The following ZNF79 variants were observed in gnomAD, a reference collection of about 807,000 sequenced individuals.
ZNF79 encodes ZNFpT7.
In ZNF79, 13 loss-of-function variants were observed where a neutral mutation model predicts 14.9. That is an observed-to-expected ratio of 0.87 (90% CI 0.57 to 1.38). The LOEUF (loss-of-function observed/expected upper bound fraction) is 1.38. Ranked by LOEUF, ZNF79 falls within the 40% of genes most tolerant of loss-of-function variation. The pLI, the probability that ZNF79 is intolerant of heterozygous loss-of-function variation, is 0.00. For synonymous variants in ZNF79, 223 were observed against 235.1 expected (o/e 0.95, Z 0.47); for missense variants, 631 against 630.6 (o/e 1.00, Z -0.01).
intron 4 of ZNF79, among the ~76,000 whole-genome samples, chr9:127,443,393 T>G (rs774937404): frequency 7.2e-5 from 11 of 152,078 alleles, no homozygotes; most frequent in Non-Finnish European, 2.9e-5. Flanking sequence ...CCAGCCTGAG[T>G]GAGACTCTGT....
At chr9:127,428,365 CTCT>C (rs1833799046) in intron 1 of ZNF79, among the ~76,000 whole-genome samples, 1 of 152,188 alleles carries the variant, frequency 6.6e-6, no homozygotes, top group African/African-American at 2.4e-5. Context: ...CTGCCCAGCC[CTCT>C]TCTTTTCATT....
intron 1 of ZNF79, among the ~76,000 whole-genome samples, chr9:127,427,633 C>T (rs1218385062): frequency 1.3e-5 from 2 of 151,684 alleles, no homozygotes; most frequent in Non-Finnish European, 1.5e-5. Flanking sequence ...CCTCTGCCTC[C>T]TGGGCTCAAG....
rs759297447 is a variant in ZNF79 at position 127,444,616 on chromosome 9, G to T, written c.916G>T (p.Glu306Ter). 6.2e-7 allele frequency: 1 copy of T among 1,613,610 alleles called. No homozygotes were observed. Among genetic ancestry groups the T allele is most frequent in the Non-Finnish European group, 8.5e-7 (1 of 1,179,944 alleles). The stretch of plus-strand genomic sequence containing the variant: ...AATTCATACCGGAGAGAAGCCCTAC[G>T]AATGCAGCGACTGTGGGAAGGCCTT... Reference protein sequence around the residue: ...QRIHTGEKPYECSDCGKAFRH... With the variant: ...QRIHTGEKPY The change falls in exon 5 of 5, where the codon GAA becomes TAA. Residue 306 changes from glutamate (E) to a stop codon, truncating the protein, a stop_gained. Transcript: ENST00000342483. LOFTEE classifies it low-confidence loss of function (END_TRUNC).
intron 4 of ZNF79, among the ~76,000 whole-genome samples, chr9:127,442,808 G>A (rs1385411429): frequency 6.6e-6 from 1 of 152,152 alleles, no homozygotes; most frequent in East Asian, 1.9e-4. Context: ...GCTGCAGTGA[G>A]CCATGATCGT....
Position 127,444,312 on chromosome 9 carries a change from C to T in ZNF79, c.612C>T (p.Tyr204=), listed in dbSNP as rs766861317. The T allele has an allele frequency of 1.5e-5, 24 of 1,614,098 alleles. No individual in the cohort carries two copies. Among genetic ancestry groups the T allele is most frequent in the Admixed American group, 5.0e-5 (3 of 60,006 alleles). Reference sequence around the variant, plus strand: ...ATGAATGTGGCAAAGCCTTCAGTTACTGTTCTTCCCTTTCTCAGCATCAGA... The same window carrying T: ...ATGAATGTGGCAAAGCCTTCAGTTATTGTTCTTCCCTTTCTCAGCATCAGA... ...ACNECGKAFS[Y]CSSLSQHQKS... The change falls in exon 5 of 5, where the codon TAC becomes TAT. Residue 204 remains tyrosine, a synonymous_variant. Transcript: ENST00000342483.
rs370111208 is a variant in ZNF79 at position 127,436,775 on chromosome 9, G to A, written c.328+772G>A. ...GACATGTTTCTAAAGATGCAGCCTG[G>A]GCCAGGTGCAGTGGCTCACGCCTGT... On this transcript the variant is annotated intron_variant, in intron 4 of 4. Transcript: ENST00000342483. 1.1e-4 allele frequency among the ~76,000 whole-genome samples: 16 copies of A among 152,192 alleles called. No homozygotes were observed. In the East Asian group the frequency reaches 2.5e-3, roughly 24 times the overall value.
chr9:127,435,329 T>C (rs1237148376), intron 3 of ZNF79, 113 bp downstream of exon 3: 1 of 1,236,908 alleles, frequency 8.1e-7, no homozygotes, highest in African/African-American at 1.6e-5. Flanking sequence ...AGGGATGGTG[T>C]TTATTCCTCT....
intron 1 of ZNF79, 75 bp from the exon 2 acceptor site, chr9:127,428,757 G>GTC (rs1187938728): frequency 1.3e-5 from 18 of 1,343,810 alleles, no homozygotes; most frequent in Admixed American, 6.2e-5. Context: ...TACCTGCTAT[G>GTC]TCCCCTCTTC....
chr9:127,432,726 A>G (rs760432421), intron 2 of ZNF79, among the ~76,000 whole-genome samples: 14 of 151,796 alleles, frequency 9.2e-5, no homozygotes, highest in Non-Finnish European at 2.1e-4. Flanking sequence ...CCATATCTTT[A>G]TTCTTTTTGT....
intron 4 of ZNF79, among the ~76,000 whole-genome samples, chr9:127,442,697 A>G (rs913523972): frequency 6.6e-6 from 1 of 151,842 alleles, no homozygotes; most frequent in African/African-American, 2.4e-5. Context: ...ACCCTATCTC[A>G]GCAAAAAATA....
At chr9:127,433,781 T>C (rs556298109) in intron 2 of ZNF79, among the ~76,000 whole-genome samples, 13 of 152,326 alleles carry the variant, frequency 8.5e-5, no homozygotes, top group African/African-American at 3.1e-4. Context: ...TTCTTCTCTT[T>C]GTGATGACAC....
chr9:127,431,795 A>G (rs1355888123), intron 2 of ZNF79, among the ~76,000 whole-genome samples: 1 of 152,218 alleles, frequency 6.6e-6, no homozygotes, highest in Non-Finnish European at 1.5e-5. Flanking sequence ...ACTCTTCTGC[A>G]TATGGCTAGC....
At chr9:127,427,338 G>C (rs376028317) in intron 1 of ZNF79, among the ~76,000 whole-genome samples, 129 of 150,736 alleles carry the variant, frequency 8.6e-4, no homozygotes, top group African/African-American at 3.1e-3. Flanking sequence ...TAGGAGAATC[G>C]CTTGAACCTG....
At chr9:127,443,986 C>A in intron 4 of ZNF79, 43 bp from the exon 5 acceptor site, 2 of 1,519,574 alleles carry the variant, frequency 1.3e-6, no homozygotes, top group East Asian at 2.3e-5. Flanking sequence ...CTTTGGTATT[C>A]CTTCCACCAA....
chr9:127,432,380 C>T (rs1226379276), intron 2 of ZNF79, among the ~76,000 whole-genome samples: 1 of 151,980 alleles, frequency 6.6e-6, no homozygotes, highest in African/African-American at 2.4e-5. Flanking sequence ...GATCTCCTGA[C>T]CTCAGGTGAT....
intron 2 of ZNF79, among the ~76,000 whole-genome samples, chr9:127,431,575 G>A (rs1833863009): frequency 6.6e-6 from 1 of 152,138 alleles, no homozygotes; most frequent in Non-Finnish European, 1.5e-5. Flanking sequence ...CTGTATAGAA[G>A]CTTTTTAGTC....
chr9:127,424,715 G>C lies in ZNF79; in HGVS notation c.-73G>C. The C allele has an allele frequency of 3.7e-6, 6 of 1,609,548 alleles. No homozygotes were observed. In the South Asian group the frequency reaches 6.6e-5, roughly 18 times the overall value. On this transcript the variant is annotated 5_prime_UTR_variant, in exon 1 of 5. Transcript: ENST00000342483. ...CCGTCAGAGCAGCCCTGCAGAACGG[G>C]GTGGGGGCTGCTGTAGATAGACCCT...
intron 2 of ZNF79, among the ~76,000 whole-genome samples, chr9:127,430,816 G>T (rs193087437): frequency 4.6e-5 from 7 of 152,296 alleles, no homozygotes; most frequent in African/African-American, 9.6e-5. Flanking sequence ...CGGGTCGAAT[G>T]GTAGCTCTGT....
At chr9:127,425,192 G>C (rs1429206429) in intron 1 of ZNF79, among the ~76,000 whole-genome samples, 1 of 152,112 alleles carries the variant, frequency 6.6e-6, no homozygotes, top group Non-Finnish European at 1.5e-5. Context: ...CTGGAAGCCC[G>C]GGAAAGTTTG....
Sources: allele counts gnomAD v4.1 joint callset (sites outside exome capture counted in the v4.1 genomes callset), GRCh38; gene constraint gnomAD v4.1.1; transcripts MANE v1.5; gene names NCBI Gene and HGNC (gene_info 2026-07-23, HGNC 2026-07-21).